SGMS2: variants seen among roughly 807,000 people sequenced by gnomAD.
SGMS2 encodes the protein phosphatidylcholine:ceramide cholinephosphotransferase 2.
Under a neutral mutation model 43.8 loss-of-function variants are expected in SGMS2, and 21 were observed. The observed-to-expected ratio is 0.48, with a 90% CI of 0.34 to 0.69. The LOEUF (loss-of-function observed/expected upper bound fraction) is 0.69. SGMS2 is among the 30% of genes least tolerant of loss of function. The pLI is 0.01. For synonymous variants in SGMS2, 167 were observed against 160.6 expected (o/e 1.04, Z -0.30); for missense variants, 384 against 443.2 (o/e 0.87, Z 1.20).
intron 1 of SGMS2, among the ~76,000 whole-genome samples, chr4:107,844,960 A>C (rs1726733772): frequency 6.6e-6 from 1 of 152,152 alleles, no homozygotes; most frequent in Non-Finnish European, 1.5e-5. Context: ...GAGTTGATAC[A>C]AGCTGTGGCA....
chr4:107,862,755 G>A (rs779934914), intron 2 of SGMS2, among the ~76,000 whole-genome samples: 14 of 152,184 alleles, frequency 9.2e-5, no homozygotes, highest in Admixed American at 3.9e-4. Context: ...GTGCTGAATA[G>A]ATTTCTGCCT....
intron 2 of SGMS2, among the ~76,000 whole-genome samples, chr4:107,864,848 A>G (rs927311871): frequency 2.0e-5 from 3 of 152,166 alleles, no homozygotes; most frequent in Non-Finnish European, 2.9e-5. Flanking sequence ...ATGCAGTCTT[A>G]TGCCTTGAAT....
At chr4:107,835,916 A>G (rs147836600) in intron 1 of SGMS2, among the ~76,000 whole-genome samples, 1 of 152,228 alleles carries the variant, frequency 6.6e-6, no homozygotes, top group African/African-American at 2.4e-5. Context: ...AGAACCCAGT[A>G]CTGTCAATGG....
At position 107,895,473 on chromosome 4, in the gene SGMS2, A is replaced by G. The variant is rs1006021272; in HGVS notation, c.-81A>G. The G allele has an allele frequency of 1.2e-5, 16 of 1,382,152 alleles. No homozygotes were observed. The highest frequency in any genetic ancestry group is 3.7e-4 in the Middle Eastern group (2 of 5,408). The allele number at this position is 1,382,152 out of a possible 1,614,324, so 85.6% of individuals were successfully genotyped here. On this transcript the variant is annotated 5_prime_UTR_variant, in exon 3 of 7. Transcript: ENST00000690982. ...GTAAGAGTCCATGTTGATCTTGGAA[A>G]TAGAAGGATTGAAAAAAGCTAAATT... is the stretch of plus-strand genomic sequence containing the variant.
At chr4:107,826,510 A>G (rs1725597268) in intron 1 of SGMS2, among the ~76,000 whole-genome samples, 1 of 152,184 alleles carries the variant, frequency 6.6e-6, no homozygotes, top group Non-Finnish European at 1.5e-5. Flanking sequence ...TGGAATTTAC[A>G]GGAAGAAAGG....
chr4:107,855,081 G>T (rs1202817131), intron 1 of SGMS2, among the ~76,000 whole-genome samples: 1 of 152,074 alleles, frequency 6.6e-6, no homozygotes, highest in Non-Finnish European at 1.5e-5. Flanking sequence ...CATTTTGCAA[G>T]ACTTAACTAG....
At chr4:107,900,013 C>T (rs1250953466) in intron 4 of SGMS2, among the ~76,000 whole-genome samples, 1 of 151,986 alleles carries the variant, frequency 6.6e-6, no homozygotes. Context: ...TGTAGTAACC[C>T]AAACAATGTC....
chr4:107,878,884 G>T lies in SGMS2; in HGVS notation c.-244-16426G>T, dbSNP rs574092866. Among the ~76,000 whole-genome samples the T allele has an allele frequency of 8.5e-5, 13 of 152,344 alleles. No homozygotes were observed. The South Asian group carries it at 2.7e-3, about 32-fold the overall frequency. ...AAAATATCCTGTGGAACTTCCAGTT[G>T]TATTGAAGGTACTTTATTATATCAA... On this transcript the variant is annotated intron_variant, in intron 2 of 6. Coordinates refer to ENST00000690982, the MANE Select transcript of SGMS2 (RefSeq NM_001375905.1).
Position 107,895,501 on chromosome 4 carries a change from C to A in SGMS2, c.-53C>A. 1 of 1,528,102 alleles carries A rather than the reference C, an allele frequency of 6.5e-7. No homozygotes were observed. The allele number at this position is 1,528,102 out of a possible 1,614,324, so 94.7% of individuals were successfully genotyped here. A position where few individuals can be genotyped will look rare whatever the true frequency, so the allele number is the denominator to read the frequency against. ...GAAGGATTGAAAAAAGCTAAATTTC[C>A]ACAAAGAACAAGAACTTGACCATCT... On this transcript the variant is annotated 5_prime_UTR_variant, in exon 3 of 7. Coordinates refer to ENST00000690982, the MANE Select transcript of SGMS2 (RefSeq NM_001375905.1).
chr4:107,865,963 A>G (rs1728083512), intron 2 of SGMS2, among the ~76,000 whole-genome samples: 1 of 152,238 alleles, frequency 6.6e-6, no homozygotes, highest in African/African-American at 2.4e-5. Flanking sequence ...TAATATGCCA[A>G]TGGCCAATCA....
At chr4:107,905,330 G>A (rs1731463918) in intron 5 of SGMS2, among the ~76,000 whole-genome samples, 1 of 152,132 alleles carries the variant, frequency 6.6e-6, no homozygotes, top group Non-Finnish European at 1.5e-5. Context: ...CACAAGAACA[G>A]TATGGGGGAA....
rs1732266633 is a variant in SGMS2, at chr4:107,913,729, CCT to C, written c.*3180_*3181del. 6.6e-6 allele frequency: 1 copy of C among 152,102 alleles called. No individual in the cohort carries two copies. Among genetic ancestry groups the C allele is most frequent in the African/African-American group, 2.4e-5 (1 of 41,418 alleles). 9.4% of individuals were successfully genotyped at this position (152,102 alleles called of 1,614,324 possible). ...AAAGAAAATTTGTAGAACATTTTTA[CCT>C]CTCATGATCACAATCATTAGTGTCT... On this transcript the variant is annotated 3_prime_UTR_variant, in exon 7 of 7. Transcript: ENST00000690982.
rs758871796 is a variant in SGMS2, at chr4:107,903,429, G to A, written c.727+43G>A. On this transcript the variant is annotated intron_variant, in intron 5 of 6. Coordinates refer to ENST00000690982, the MANE Select transcript of SGMS2 (RefSeq NM_001375905.1). ...CCCACTGAACTGATAGCTGTAGTGG[G>A]AGGGATCCCTGGGCCCTGAAATTGA... 7 of 1,599,754 alleles carry A rather than the reference G, an allele frequency of 4.4e-6. No individual in the cohort carries two copies. The East Asian group carries it at 1.6e-4, about 36-fold the overall frequency.
chr4:107,895,965 T>G lies in SGMS2; in HGVS notation c.412T>G (p.Leu138Val), dbSNP rs1730632427. The G allele has an allele frequency of 1.2e-6, 2 of 1,613,728 alleles. No individual in the cohort carries two copies. The change falls in exon 3 of 7, where the codon TTA (leucine) becomes GTA (valine). Residue 138 changes from leucine (L) to valine (V), a missense_variant. By Grantham distance (32) the Leu-to-Val change is conservative. Coordinates refer to ENST00000690982, the MANE Select transcript of SGMS2 (RefSeq NM_001375905.1). ...FSVSEINGII[L>V]VGLWITQWLF... ...TGTATCAGAAATAAATGGGATTATA[T>G]TAGTTGGATTATGGATCACCCAGTG... is the stretch of plus-strand genomic sequence containing the variant.
intron 1 of SGMS2, among the ~76,000 whole-genome samples, chr4:107,835,759 T>G (rs1726134125): frequency 6.6e-6 from 1 of 152,176 alleles, no homozygotes; most frequent in African/African-American, 2.4e-5. Context: ...TCCCAGCAAT[T>G]GTTGATAAAA....
At chr4:107,856,742 C>G (rs904698605) in intron 1 of SGMS2, among the ~76,000 whole-genome samples, 2 of 152,136 alleles carry the variant, frequency 1.3e-5, no homozygotes, top group Non-Finnish European at 2.9e-5. Flanking sequence ...AACTGCTTGT[C>G]CCTTTTAATG....
intron 1 of SGMS2, among the ~76,000 whole-genome samples, chr4:107,840,725 A>G (rs1040650790): frequency 2.0e-5 from 3 of 152,244 alleles, no homozygotes; most frequent in Non-Finnish European, 4.4e-5. Context: ...TTATAATTTA[A>G]TGAAAGATCC....
chr4:107,896,945 A>G (rs993359933), intron 3 of SGMS2, among the ~76,000 whole-genome samples: 3 of 152,210 alleles, frequency 2.0e-5, no homozygotes, highest in African/African-American at 7.2e-5. Flanking sequence ...TGACCATAAT[A>G]CAGAGTTTAA....
intron 1 of SGMS2, among the ~76,000 whole-genome samples, chr4:107,830,006 GT>G (rs1316073111): frequency 1.3e-5 from 2 of 152,156 alleles, no homozygotes; most frequent in African/African-American, 4.8e-5. Flanking sequence ...CTGATAGGTA[GT>G]TTTTCAGTCT....
Sources: allele counts gnomAD v4.1 joint callset (sites outside exome capture counted in the v4.1 genomes callset), GRCh38; gene constraint gnomAD v4.1.1; transcripts MANE v1.5; gene names NCBI Gene and HGNC (gene_info 2026-07-23, HGNC 2026-07-21).